The following CPNE5 variants were observed in gnomAD, a reference collection of about 807,000 sequenced individuals.
The protein encoded by CPNE5 is copine-5.
In CPNE5, 42 loss-of-function variants were observed where a neutral mutation model predicts 81.1. The observed-to-expected ratio is 0.52, with a 90% CI of 0.40 to 0.67. The LOEUF is 0.67. Among genes scored for constraint, CPNE5 ranks in the 30% least tolerant of loss-of-function variants. The probability of loss-of-function intolerance (pLI) is 0.00; values close to 1 mark genes in which losing one functional copy is unlikely to be tolerated. For missense variants in CPNE5, 612 were observed against 815.5 expected, an observed-to-expected ratio of 0.75 and a Z score of 3.04; for synonymous variants, 313 against 321.5, an observed-to-expected ratio of 0.97 and a Z score of 0.28.
Position 36,748,277 on chromosome 6 carries a change from G to A in CPNE5, c.972-10C>T. Reference sequence around the variant, plus strand: ...GAAGTTGATCTGGGTCCTAGAAGAGGGAGAACAGCAGGGGAGTCACCTGGA... The same window carrying A: ...GAAGTTGATCTGGGTCCTAGAAGAGAGAGAACAGCAGGGGAGTCACCTGGA... On this transcript the variant is annotated splice_polypyrimidine_tract_variant and intron_variant, in intron 14 of 20. Transcript: ENST00000244751. 1 of 1,614,020 alleles carries A rather than the reference G, an allele frequency of 6.2e-7. No homozygotes were observed. The highest frequency in any genetic ancestry group is 1.1e-5 in the South Asian group (1 of 91,080).
intron 1 of CPNE5, among the ~76,000 whole-genome samples, chr6:36,825,858 G>A (rs1430805404): frequency 6.6e-6 from 1 of 152,196 alleles, no homozygotes; most frequent in East Asian, 1.9e-4. Flanking sequence ...TGATAAGGAG[G>A]AGGGGGACTT....
Position 36,743,191 on chromosome 6 carries a change from T to C in CPNE5, c.1563+498A>G, listed in dbSNP as rs1018348212. On this transcript the variant is annotated intron_variant, in intron 20 of 20. Coordinates refer to ENST00000244751, the MANE Select transcript of CPNE5 (RefSeq NM_020939.2). ...CTCTGCAGGGGATGAGTGGGGGAAG[T>C]GCTTGCGGAGGGTGCATTCTTCCAC... The C allele has an allele frequency of 2.9e-5, 29 of 985,426 alleles. No individual in the cohort carries two copies. In the African/African-American group the frequency reaches 4.0e-4, roughly 14 times the overall value. 61.0% of individuals were successfully genotyped at this position (985,426 alleles called of 1,614,324 possible).
rs149761685 is a variant in CPNE5, at chr6:36,743,740, G to A, written c.1512C>T (p.Asp504=). The part of the protein sequence containing the change: ...EFDAMVELDG[D]DVRISSRGKL... ...TCCCCCGGGAGGAGATCCGCACGTCGTCGCCATCCAGCTCCACCATGGCTG... is the reference window on the plus strand; with the variant it reads ...TCCCCCGGGAGGAGATCCGCACGTCATCGCCATCCAGCTCCACCATGGCTG... Residue 504 remains aspartate, a synonymous_variant, in exon 20 of 21, where the codon GAC becomes GAT. Transcript: ENST00000244751. The A allele has an allele frequency of 4.4e-4, 714 of 1,612,526 alleles. 3 individuals are homozygous for A. In the Middle Eastern group the frequency reaches 0.011, roughly 25 times the overall value.
intron 12 of CPNE5, among the ~76,000 whole-genome samples, chr6:36,758,299 G>C (rs1478293276): frequency 3.3e-5 from 5 of 151,482 alleles, no homozygotes. Flanking sequence ...TTTTTTCTAA[G>C]ACGGGGTCTT....
At chr6:36,752,833 C>T (rs553298671) in intron 14 of CPNE5, among the ~76,000 whole-genome samples, 4 of 152,352 alleles carry the variant, frequency 2.6e-5, no homozygotes, top group African/African-American at 9.6e-5. Context: ...GAGTTCCCTC[C>T]AAGCTGCTTG....
rs376106020 is a variant in CPNE5, at chr6:36,832,689, A to G, written c.95+6594T>C. ...ATTCATTGTGATCTGAGAAAAATAA[A>G]TGCATATCAAGTTTAAGCCACCATC... On this transcript the variant is annotated intron_variant, in intron 1 of 20. Transcript: ENST00000244751. Among the ~76,000 whole-genome samples the G allele has an allele frequency of 2.0e-5, 3 of 152,328 alleles. No homozygotes were observed. The South Asian group carries it at 6.2e-4, about 32-fold the overall frequency.
At chr6:36,783,470 C>T (rs944156264) in intron 8 of CPNE5, among the ~76,000 whole-genome samples, 7 of 150,040 alleles carry the variant, frequency 4.7e-5, no homozygotes, top group Admixed American at 6.6e-5. Context: ...ATCCTTTCGA[C>T]AACCCTATGA....
chr6:36,801,538 A>G (rs749580189), intron 3 of CPNE5, among the ~76,000 whole-genome samples: 1 of 152,176 alleles, frequency 6.6e-6, no homozygotes. Flanking sequence ...AGACATTTTG[A>G]GCAAAATTTT....
In CPNE5 at chr6:36,744,324, G is replaced by T; in HGVS notation, c.1433C>A (p.Ala478Asp). 6.3e-7 allele frequency: 1 copy of T among 1,581,232 alleles called. No homozygotes were observed. The highest frequency in any genetic ancestry group is 8.6e-7 in the Non-Finnish European group (1 of 1,163,964). Reference protein sequence around the residue: ...MAQTKEAIVNAAKLPMSIIIV... With the variant: ...MAQTKEAIVNDAKLPMSIIIV... ...AATGATGGACATGGGGAGCTTGGCAGCCTGGGAGACAGCATGGGGGGCAGG... is the reference window on the plus strand; with the variant it reads ...AATGATGGACATGGGGAGCTTGGCATCCTGGGAGACAGCATGGGGGGCAGG... The change falls in exon 19 of 21, where the codon GCT (alanine) becomes GAT (aspartate). Residue 478 changes from alanine to aspartate, a missense_variant and splice_region_variant. Physicochemically the swap from Ala to Asp is moderately radical, Grantham distance 126 (BLOSUM62 -2). Coordinates refer to ENST00000244751, the MANE Select transcript of CPNE5 (RefSeq NM_020939.2).
chr6:36,827,783 G>A (rs1219032014), intron 1 of CPNE5: 2 of 981,316 alleles, frequency 2.0e-6, no homozygotes, highest in Non-Finnish European at 2.4e-6. Flanking sequence ...AGACACCAGG[G>A]CACAGACAAG....
At position 36,766,287 on chromosome 6, in the gene CPNE5, C is replaced by A. The variant is rs1766558144; in HGVS notation, c.738-911G>T. Among the ~76,000 whole-genome samples the A allele has an allele frequency of 6.6e-6, 1 of 152,194 alleles. No homozygotes were observed. Among genetic ancestry groups the A allele is most frequent in the Non-Finnish European group, 1.5e-5 (1 of 68,028 alleles). On this transcript the variant is annotated intron_variant, in intron 10 of 20. Coordinates refer to ENST00000244751, the MANE Select transcript of CPNE5 (RefSeq NM_020939.2). The surrounding 1 kb of genome is among the most constrained non-coding windows in gnomAD (Gnocchi z 4.2). ...CCATCATCTCGCCCATCTCCTCGGG[C>A]CTGCCAGGAGTCAGCCTTGGGCTTC...
chr6:36,838,793 G>A, intron 1 of CPNE5: 1 of 979,962 alleles, frequency 1.0e-6, no homozygotes, highest in Non-Finnish European at 1.2e-6. Flanking sequence ...CTAGGACAGT[G>A]GGGTGGGGGA....
At chr6:36,821,234 G>A (rs146281227) in intron 3 of CPNE5, among the ~76,000 whole-genome samples, 2 of 152,190 alleles carry the variant, frequency 1.3e-5, no homozygotes, top group African/African-American at 2.4e-5. Flanking sequence ...AGGCGGGGGC[G>A]GGCCGTGTGA....
At chr6:36,818,865 G>A (rs1215273475) in intron 3 of CPNE5, among the ~76,000 whole-genome samples, 1 of 152,210 alleles carries the variant, frequency 6.6e-6, no homozygotes, top group Non-Finnish European at 1.5e-5. Flanking sequence ...GCTCACCAAA[G>A]AGTGCCCTTC....
chr6:36,830,692 C>T lies in CPNE5; in HGVS notation c.96-7594G>A, dbSNP rs531273099. Among the ~76,000 whole-genome samples the T allele has an allele frequency of 2.6e-5, 4 of 152,194 alleles. No individual in the cohort carries two copies. In the South Asian group the frequency reaches 8.3e-4, roughly 32 times the overall value. On this transcript the variant is annotated intron_variant, in intron 1 of 20. Coordinates refer to ENST00000244751, the MANE Select transcript of CPNE5 (RefSeq NM_020939.2). ...CTCAGATGCTTCTGAGCTGGAGTCCCCACATGGCGACATGTGGCCCTGACA... is the reference window on the plus strand; with the variant it reads ...CTCAGATGCTTCTGAGCTGGAGTCCTCACATGGCGACATGTGGCCCTGACA...
intron 1 of CPNE5, among the ~76,000 whole-genome samples, chr6:36,826,762 C>T (rs1772537327): frequency 6.6e-6 from 1 of 152,202 alleles, no homozygotes. Context: ...GGGTGGCACA[C>T]GGTCAAGCTC....
intron 1 of CPNE5, among the ~76,000 whole-genome samples, chr6:36,824,646 A>G (rs2150594840): frequency 6.6e-6 from 1 of 152,338 alleles, no homozygotes; most frequent in Middle Eastern, 3.4e-3. Flanking sequence ...CCGAAAGCCA[A>G]CTTCAAATAT....
At chr6:36,812,238 C>T (rs1464933915) in intron 3 of CPNE5, among the ~76,000 whole-genome samples, 5 of 152,198 alleles carry the variant, frequency 3.3e-5, no homozygotes, top group African/African-American at 4.8e-5. Flanking sequence ...TGGGCAAAGC[C>T]AGGATCCCTC....
chr6:36,778,951 C>A lies in CPNE5; in HGVS notation c.535G>T (p.Ala179Ser). 1.3e-6 allele frequency: 2 copies of A among 1,590,512 alleles called. No homozygotes were observed. The highest frequency in any genetic ancestry group is 1.7e-6 in the Non-Finnish European group (2 of 1,160,088). The change falls in exon 9 of 21, where the codon GCC becomes TCC. Residue 179 changes from alanine (A) to serine (S), a missense_variant. Physicochemically the swap from Ala to Ser is moderately conservative, Grantham distance 99 (BLOSUM62 1). Coordinates refer to ENST00000244751, the MANE Select transcript of CPNE5 (RefSeq NM_020939.2). The stretch of plus-strand genomic sequence containing the variant: ...TTGTTGGCACAGAACTGCATGGTGG[C>A]GACATCCTGGTGGGAGGGAGGGAGA... ...AEELSNCRDV[A>S]TMQFCANKLD...
Sources: allele counts gnomAD v4.1 joint callset (sites outside exome capture counted in the v4.1 genomes callset), GRCh38; gene constraint gnomAD v4.1.1; non-coding constraint Gnocchi (gnomAD v3.1); transcripts MANE v1.5; gene names NCBI Gene and HGNC (gene_info 2026-07-23, HGNC 2026-07-21).